Variants in GRM5 observed in about 807,000 individuals in gnomAD.
GRM5 encodes the protein metabotropic glutamate receptor 5.
In GRM5, 19 loss-of-function variants were observed where a neutral mutation model predicts 83.1. That is an observed-to-expected ratio of 0.23 (90% CI 0.16 to 0.34). The LOEUF is 0.34. GRM5 is among the 10% of genes least tolerant of loss of function. The pLI is 1.00. For synonymous variants in GRM5, 675 were observed against 633.6 expected, an observed-to-expected ratio of 1.07 and a Z score of -0.98; for missense variants, 1,160 against 1,588.3, an observed-to-expected ratio of 0.73 and a Z score of 4.58.
At chr11:88,843,649 A>C (rs958562162) in intron 3 of GRM5, among the ~76,000 whole-genome samples, 4 of 152,238 alleles carry the variant, frequency 2.6e-5, no homozygotes, top group African/African-American at 7.2e-5. Context: ...CTCTAACTTT[A>C]AATCAAAAGC....
At chr11:89,058,362 A>G (rs1199020245) in intron 1 of GRM5, among the ~76,000 whole-genome samples, 1 of 152,176 alleles carries the variant, frequency 6.6e-6, no homozygotes, top group Non-Finnish European at 1.5e-5. Flanking sequence ...GCTTCTGTTC[A>G]CTAGACGACA....
At chr11:88,532,552 G>A (rs1003815258) in intron 8 of GRM5, among the ~76,000 whole-genome samples, 11 of 152,084 alleles carry the variant, frequency 7.2e-5, no homozygotes, top group African/African-American at 2.7e-4. Context: ...AAAGAAAAAT[G>A]ACCATGTGAA....
intron 9 of GRM5, among the ~76,000 whole-genome samples, chr11:88,521,237 G>A (rs1163074016): frequency 6.6e-6 from 1 of 152,096 alleles, no homozygotes. Context: ...CCAACATAGT[G>A]AAACCCCGTC....
At chr11:88,961,856 C>T (rs1252467824) in intron 2 of GRM5, among the ~76,000 whole-genome samples, 1 of 152,008 alleles carries the variant, frequency 6.6e-6, no homozygotes, top group Non-Finnish European at 1.5e-5. Context: ...CCATGTACAC[C>T]CGGTGATCAG....
intron 2 of GRM5, among the ~76,000 whole-genome samples, chr11:88,944,228 T>C (rs1938203774): frequency 6.6e-6 from 1 of 151,916 alleles, no homozygotes; most frequent in Non-Finnish European, 1.5e-5. Context: ...GAAGCCAGAT[T>C]ATAAGGAATT....
At chr11:88,845,422 A>ATTTT (rs1565258558) in intron 3 of GRM5, among the ~76,000 whole-genome samples, 1 of 81,820 alleles carries the variant, frequency 1.2e-5, no homozygotes, top group African/African-American at 5.1e-5. Context: ...TATAAACATA[A>ATTTT]CTTTTTTTTT....
intron 3 of GRM5, among the ~76,000 whole-genome samples, chr11:88,830,319 T>C (rs1264153051): frequency 6.7e-6 from 1 of 149,596 alleles, no homozygotes; most frequent in Non-Finnish European, 1.5e-5. Context: ...ATAAAATATA[T>C]TTAAAATATA....
chr11:88,571,287 A>G (rs779646557), intron 7 of GRM5, among the ~76,000 whole-genome samples: 9 of 152,226 alleles, frequency 5.9e-5, no homozygotes, highest in Non-Finnish European at 1.0e-4. Flanking sequence ...AATGTACATG[A>G]GGCTTGTCTC....
intron 1 of GRM5, among the ~76,000 whole-genome samples, chr11:89,058,012 C>T (rs1369926956): frequency 6.6e-6 from 1 of 151,968 alleles, no homozygotes; most frequent in African/African-American, 2.4e-5. Flanking sequence ...AATGGCAGAA[C>T]CAGGACATGA....
intron 3 of GRM5, among the ~76,000 whole-genome samples, chr11:88,804,451 C>T (rs561138393): frequency 6.6e-6 from 1 of 150,978 alleles, no homozygotes; most frequent in East Asian, 1.9e-4. Context: ...AAACCAAACA[C>T]CGCATATTCT....
chr11:88,946,571 T>C (rs887802529), intron 2 of GRM5, among the ~76,000 whole-genome samples: 1 of 151,882 alleles, frequency 6.6e-6, no homozygotes. Context: ...ACAGAGAAAA[T>C]CAAATATTGC....
chr11:88,720,911 G>A (rs1941522238), intron 3 of GRM5, among the ~76,000 whole-genome samples: 1 of 150,176 alleles, frequency 6.7e-6, no homozygotes, highest in Non-Finnish European at 1.5e-5. Context: ...ATCCAGTAAG[G>A]TTCACAATAT....
chr11:88,803,756 A>G (rs1294833520), intron 3 of GRM5, among the ~76,000 whole-genome samples: 1 of 151,904 alleles, frequency 6.6e-6, no homozygotes, highest in Admixed American at 6.6e-5. Flanking sequence ...GCAACCTACA[A>G]AATGGGAGAA....
intron 2 of GRM5, among the ~76,000 whole-genome samples, chr11:88,897,800 C>T (rs1297424208): frequency 6.6e-6 from 1 of 151,938 alleles, no homozygotes; most frequent in Non-Finnish European, 1.5e-5. Context: ...ACTTTCCTTT[C>T]CCTTCCACCT....
chr11:88,553,520 G>A (rs898004759), intron 8 of GRM5, among the ~76,000 whole-genome samples: 7 of 152,084 alleles, frequency 4.6e-5, no homozygotes, highest in African/African-American at 1.4e-4. Context: ...GCCAAGTGTG[G>A]TCCTGCTCTC....
At chr11:88,668,247 T>A (rs1940099364) in intron 3 of GRM5, among the ~76,000 whole-genome samples, 2 of 119,238 alleles carry the variant, frequency 1.7e-5, no homozygotes, top group African/African-American at 3.1e-5. Context: ...CAGAATAATT[T>A]TATATCTCTT....
intron 3 of GRM5, among the ~76,000 whole-genome samples, chr11:88,813,256 T>A (rs1034084250): frequency 1.3e-5 from 2 of 152,176 alleles, no homozygotes; most frequent in African/African-American, 4.8e-5. Context: ...CATGTTTGTA[T>A]CCCTGTGACT....
chr11:88,810,657 T>C (rs1268972413), intron 3 of GRM5, among the ~76,000 whole-genome samples: 1 of 152,126 alleles, frequency 6.6e-6, no homozygotes, highest in Non-Finnish European at 1.5e-5. Context: ...AAACAGCTTT[T>C]ACTGAGAAGC....
intron 2 of GRM5, among the ~76,000 whole-genome samples, chr11:88,918,742 G>C (rs1029435358): frequency 8.1e-6 from 1 of 123,680 alleles, no homozygotes; most frequent in Non-Finnish European, 1.8e-5. Context: ...AAAAGTTAAA[G>C]AGCAAGAAGT....
Sources: allele counts gnomAD v4.1 joint callset (sites outside exome capture counted in the v4.1 genomes callset), GRCh38; gene constraint gnomAD v4.1.1; transcripts MANE v1.5; gene names NCBI Gene and HGNC (gene_info 2026-07-23, HGNC 2026-07-21).